The following EYA4 variants were observed in gnomAD, a reference collection of about 807,000 sequenced individuals.
EYA4 encodes the protein EYA transcriptional coactivator and phosphatase 4.
A neutral mutation model predicts 87.9 loss-of-function variants in EYA4; 31 were observed. The ratio of observed to expected loss-of-function variants is 0.35; its 90% confidence interval spans 0.27 to 0.48. The LOEUF (loss-of-function observed/expected upper bound fraction) is 0.48, where lower values mean the gene tolerates loss of function less well. Among genes scored for constraint, EYA4 ranks in the 20% least tolerant of loss-of-function variants. EYA4 has a pLI of 0.99. For synonymous variants in EYA4, 263 were observed against 270.6 expected (o/e 0.97, Z 0.28); for missense variants, 678 against 761.4 (o/e 0.89, Z 1.29).
chr6:133,317,782 C>A (rs997521029), intron 2 of EYA4, among the ~76,000 whole-genome samples: 13 of 151,948 alleles, frequency 8.6e-5, no homozygotes, highest in African/African-American at 2.9e-4. Flanking sequence ...ATCATCTCCC[C>A]TTTTGTCCAT....
rs780122106 is a variant in EYA4, at chr6:133,461,072, A to G, written c.371-42A>G. 14 of 1,355,698 alleles carry G rather than the reference A, an allele frequency of 1.0e-5. 1 individual carries two copies. In the South Asian group the frequency reaches 1.6e-4, roughly 16 times the overall value. 84.0% of individuals were successfully genotyped at this position (1,355,698 alleles called of 1,614,324 possible). On this transcript the variant is annotated intron_variant, in intron 6 of 19. Transcript: ENST00000355286. ...ATGTACACTCTAGTGAAATGTATTT[A>G]TGAAGCAACCTTTGGTGCACTGGTA...
chr6:133,379,633 T>C (rs1786003292), intron 2 of EYA4, among the ~76,000 whole-genome samples: 1 of 152,134 alleles, frequency 6.6e-6, no homozygotes, highest in African/African-American at 2.4e-5. Flanking sequence ...GAAGTGTTTG[T>C]CAAAAACACC....
intron 1 of EYA4, among the ~76,000 whole-genome samples, chr6:133,245,746 A>G (rs1008009965): frequency 1.8e-4 from 27 of 152,214 alleles, no homozygotes; most frequent in African/African-American, 5.3e-4. Flanking sequence ...ACTTGGCGTC[A>G]TTTAGCTTGA....
chr6:133,469,872 G>A (rs1795176674), intron 11 of EYA4, among the ~76,000 whole-genome samples: 1 of 152,064 alleles, frequency 6.6e-6, no homozygotes, highest in South Asian at 2.1e-4. Flanking sequence ...AAGAACTTTT[G>A]CTCTTCAAAA....
intron 2 of EYA4, among the ~76,000 whole-genome samples, chr6:133,378,454 C>T (rs1785895236): frequency 6.6e-6 from 1 of 152,038 alleles, no homozygotes; most frequent in Admixed American, 6.5e-5. Context: ...TAATTGAAGT[C>T]AAATTTTAAA....
intron 2 of EYA4, among the ~76,000 whole-genome samples, chr6:133,310,838 A>G (rs926990603): frequency 1.3e-5 from 2 of 152,206 alleles, no homozygotes; most frequent in African/African-American, 4.8e-5. Flanking sequence ...CAACATGCCT[A>G]CCGTTAATTT....
chr6:133,430,726 G>A (rs1439534121), intron 3 of EYA4, among the ~76,000 whole-genome samples: 1 of 152,182 alleles, frequency 6.6e-6, no homozygotes. Context: ...GTTAATTGAA[G>A]TTACTGGAAA....
intron 2 of EYA4, among the ~76,000 whole-genome samples, chr6:133,338,846 CTTCTT>C (rs1782572204): frequency 2.7e-5 from 2 of 74,012 alleles, no homozygotes; most frequent in Non-Finnish European, 5.1e-5. Context: ...TCACCAATTG[CTTCTT>C]TTTTTTTTTT....
chr6:133,342,605 AATTC>A (rs1782885901), intron 2 of EYA4, among the ~76,000 whole-genome samples: 14 of 130,352 alleles, frequency 1.1e-4, no homozygotes, highest in Admixed American at 2.2e-4. Context: ...ATATATATAT[AATTC>A]TTTATATTTC....
intron 7 of EYA4, 77 bp from the exon 8 acceptor site, chr6:133,462,258 G>A: frequency 1.4e-6 from 2 of 1,426,566 alleles, no homozygotes; most frequent in Non-Finnish European, 2.0e-6. Flanking sequence ...GATATTATAG[G>A]GTTTCACTGA....
At position 133,401,359 on chromosome 6, in the gene EYA4, T is replaced by C. The variant is rs766783946; in HGVS notation, c.83+18918T>C. Among the ~76,000 whole-genome samples, 114 of 142,966 alleles carry C rather than the reference T, an allele frequency of 8.0e-4. 1 individual carries two copies. The highest frequency in any genetic ancestry group is 2.2e-3 in the South Asian group (9 of 4,182). 93.8% of individuals were successfully genotyped at this position (142,966 alleles called of 152,430 possible). On this transcript the variant is annotated intron_variant, in intron 3 of 19. Coordinates refer to ENST00000355286, the MANE Select transcript of EYA4 (RefSeq NM_004100.5). ...GTCAGTAGGGTGAGTATAGTTAATA[T>C]TAATCTATTGTACATTTCAAAATCT...
intron 13 of EYA4, among the ~76,000 whole-genome samples, chr6:133,488,214 C>T (rs1415467921): frequency 6.6e-6 from 1 of 151,942 alleles, no homozygotes; most frequent in African/African-American, 2.4e-5. Flanking sequence ...GCTAGCTCAA[C>T]CACAGTAGAA....
chr6:133,304,642 G>A (rs528934781), intron 2 of EYA4, among the ~76,000 whole-genome samples: 1 of 152,284 alleles, frequency 6.6e-6, no homozygotes, highest in Admixed American at 6.5e-5. Flanking sequence ...AGGAAGTAGA[G>A]CATACAGTGG....
At chr6:133,307,914 G>A (rs1278133593) in intron 2 of EYA4, among the ~76,000 whole-genome samples, 1 of 152,110 alleles carries the variant, frequency 6.6e-6, no homozygotes, top group Non-Finnish European at 1.5e-5. Context: ...GTTGTGGGAG[G>A]GACCTGATAG....
chr6:133,246,215 T>G (rs992428805), intron 1 of EYA4, among the ~76,000 whole-genome samples: 16 of 152,162 alleles, frequency 1.1e-4, no homozygotes, highest in Admixed American at 8.5e-4. Context: ...TTTGAAACCT[T>G]TCAGAGTTGG....
At chr6:133,242,391 G>T (rs1774024559) in intron 1 of EYA4, among the ~76,000 whole-genome samples, 1 of 152,188 alleles carries the variant, frequency 6.6e-6, no homozygotes, top group African/African-American at 2.4e-5. Context: ...AGTTTGCCAG[G>T]GTCGGTGAAA....
At chr6:133,376,882 A>G (rs1308310095) in intron 2 of EYA4, among the ~76,000 whole-genome samples, 1 of 152,000 alleles carries the variant, frequency 6.6e-6, no homozygotes, top group Non-Finnish European at 1.5e-5. Context: ...AAAAAGCTTG[A>G]GGGGTGAATA....
At chr6:133,310,961 A>G (rs1780167367) in intron 2 of EYA4, among the ~76,000 whole-genome samples, 2 of 152,130 alleles carry the variant, frequency 1.3e-5, no homozygotes, top group South Asian at 4.2e-4. Flanking sequence ...TCTTTTGATG[A>G]TCCTGTAACT....
At position 133,394,282 on chromosome 6, in the gene EYA4, G is replaced by GTATTTTTTTTTTTTT. The variant is rs1562368948; in HGVS notation, c.83+11842_83+11843insATTTTTTTTTTTTTT. 6.5e-5 allele frequency among the ~76,000 whole-genome samples: 7 copies of GTATTTTTTTTTTTTT among 107,846 alleles called. 2 individuals carry two copies. The highest frequency in any genetic ancestry group is 9.6e-5 in the African/African-American group (2 of 20,806). The allele number at this position is 107,846 out of a possible 152,430, so 70.8% of individuals were successfully genotyped here. A position where few individuals can be genotyped will look rare whatever the true frequency, so the allele number is the denominator to read the frequency against. Reference sequence around the variant, plus strand: ...GTTGGAAAAATGTATATATAAGCTTGTGTTTTTTTTTTTTTTTTTTTTTTT... The same window carrying GTATTTTTTTTTTTTT: ...GTTGGAAAAATGTATATATAAGCTTGTATTTTTTTTTTTTTTGTTTTTTTTTTTTTTTTTTTTTTT... On this transcript the variant is annotated intron_variant, in intron 3 of 19. Coordinates refer to ENST00000355286, the MANE Select transcript of EYA4 (RefSeq NM_004100.5).
Sources: gnomAD v4.1 joint callset for allele counts (sites outside exome capture counted in the v4.1 genomes callset) on GRCh38, gnomAD v4.1.1 for gene constraint, MANE v1.5 for transcripts, NCBI Gene and HGNC (gene_info 2026-07-23, HGNC 2026-07-21) for gene names.